LY6G5B: variants seen among roughly 807,000 people sequenced by gnomAD.
LY6G5B encodes lymphocyte antigen 6 family member G5B.
Under a neutral mutation model 6.7 loss-of-function variants are expected in LY6G5B, and 6 were observed. That is an observed-to-expected ratio of 0.89 (90% confidence interval 0.49 to 1.76). LY6G5B has a LOEUF of 1.76. Among genes scored for constraint, LY6G5B ranks in the 40% most tolerant of loss-of-function variants. LY6G5B has a pLI of 0.01. For synonymous variants in LY6G5B, 98 were observed against 99.4 expected (o/e 0.99, Z 0.09); for missense variants, 240 against 249.5 (o/e 0.96, Z 0.26).
exon 3 of LY6G5B, chr6:31,672,958 T>C (rs575238677): frequency 4.6e-5 from 7 of 152,612 alleles, no homozygotes; most frequent in African/African-American, 1.7e-4. Context: ...AGTACCAGAC[T>C]GAACTAGCAG....
At chr6:31,672,206 G>T (rs151192215) in exon 3 of LY6G5B, 16 of 1,613,096 alleles carry the variant, frequency 9.9e-6, no homozygotes, top group African/African-American at 1.3e-5. Context: ...GAGCTGCGCC[G>T]CATGTACTTG....
At chr6:31,673,266 C>CA (rs34815855) in exon 3 of LY6G5B, 2 of 151,284 alleles carry the variant, frequency 1.3e-5, no homozygotes, top group South Asian at 2.1e-4. Context: ...ACTCCGTCTC[C>CA]AAAAAAAAGG....
At chr6:31,672,068 C>A (rs11758242) in exon 3 of LY6G5B, 46,433 of 1,613,012 alleles carry the variant, frequency 0.029, 1,475 homozygotes, top group African/African-American at 0.12. Flanking sequence ...CTGTCTGACT[C>A]CCAGATTCAG....
exon 3 of LY6G5B, chr6:31,672,595 C>G: frequency 2.8e-6 from 1 of 361,308 alleles, no homozygotes; most frequent in Non-Finnish European, 5.0e-6. Context: ...CAGGCGTGCA[C>G]CACCACGCCT....
Position 31,672,192 on chromosome 6 carries a change from T to G in LY6G5B, c.516T>G (p.Phe172Leu), listed in dbSNP as rs778493373. The change falls in exon 3 of 3, where the codon TTT (phenylalanine) becomes TTG (leucine). Residue 172 changes from phenylalanine to leucine, a missense_variant. By Grantham distance (22) the Phe-to-Leu change is conservative. Coordinates refer to ENST00000375864, the Ensembl canonical transcript of LY6G5B. Reference sequence around the variant, plus strand: ...TGTCCCTGAACCTGGGCTTGTCTTTTGCTGAGCTGCGCCGCATGTACTTGT... The same window carrying G: ...TGTCCCTGAACCTGGGCTTGTCTTTGGCTGAGCTGCGCCGCATGTACTTGT... The G allele has an allele frequency of 3.1e-6, 5 of 1,613,022 alleles. No homozygotes were observed. The African/African-American group carries it at 6.7e-5, about 22-fold the overall frequency.
exon 1 of LY6G5B, chr6:31,670,895 A>C (rs1802157978): frequency 2.6e-6 from 4 of 1,533,652 alleles, no homozygotes; most frequent in Admixed American, 4.0e-5. Context: ...TGGTCACAGG[A>C]AGGTGGGGTT....
At chr6:31,670,972 G>C in exon 1 of LY6G5B, 12 of 1,611,798 alleles carry the variant, frequency 7.4e-6, no homozygotes, top group Non-Finnish European at 1.0e-5. Context: ...TATGCTTGTA[G>C]GTGTGCTGGT....
chr6:31,671,819 T>C (rs1802240188), intron 2 of LY6G5B, 45 bp from the exon 3 acceptor site: 4 of 1,564,380 alleles, frequency 2.6e-6, no homozygotes, highest in South Asian at 2.4e-5. Flanking sequence ...TCTTGGACTA[T>C]GGGAAGCTAT....
upstream of LY6G5B, chr6:31,670,123 C>A: frequency 1.7e-6 from 1 of 586,576 alleles, no homozygotes; most frequent in Non-Finnish European, 3.0e-6. Context: ...GTGTGTTGGA[C>A]TCCAGGGGCC....
At chr6:31,672,314 C>A (rs1292559476) in exon 3 of LY6G5B, 4 of 1,586,794 alleles carry the variant, frequency 2.5e-6, no homozygotes, top group Non-Finnish European at 3.4e-6. Context: ...TCTGTAACAC[C>A]CTCAGCATCC....
At position 31,672,017 on chromosome 6, in the gene LY6G5B, GCT is replaced by G; in HGVS notation, c.346_347del (p.Leu116AlafsTer5). The G allele has an allele frequency of 6.2e-7, 1 of 1,613,072 alleles. No homozygotes were observed. ...TCCTGGTCAAGCCCCCAACTCCAGAGCTCTCTGCCGGAGCCCCATGACAGGCC... is the reference window on the plus strand; with the variant it reads ...TCCTGGTCAAGCCCCCAACTCCAGAGCTCTGCCGGAGCCCCATGACAGGCC... On this transcript the variant is annotated frameshift_variant, in exon 3 of 3. Coordinates refer to ENST00000375864, the Ensembl canonical transcript of LY6G5B. LOFTEE classifies it low-confidence loss of function (END_TRUNC).
At chr6:31,670,861 C>T (rs1802156190) in exon 1 of LY6G5B, 2 of 1,409,132 alleles carry the variant, frequency 1.4e-6, no homozygotes, top group Non-Finnish European at 1.9e-6. Flanking sequence ...TCAAAACCAC[C>T]CTGCAGCTTA....
chr6:31,670,750 A>C lies in LY6G5B; in HGVS notation c.-201A>C. On this transcript the variant is annotated 5_prime_UTR_variant, in exon 1 of 3. It removes an upstream start codon present in the reference 5' UTR. Coordinates refer to ENST00000375864, the Ensembl canonical transcript of LY6G5B. ...GGAACCAGACGTTGTGGGTGAGGAC[A>C]TGCTGTCCCTCCTGCCAAGTAATAA... 1.7e-6 allele frequency: 1 copy of C among 581,186 alleles called. No individual in the cohort carries two copies. The allele number at this position is 581,186 out of a possible 1,614,324, so 36.0% of individuals were successfully genotyped here. A position where few individuals can be genotyped will look rare whatever the true frequency, so the allele number is the denominator to read the frequency against.
rs764810388 is a variant in LY6G5B at position 31,671,310 on chromosome 6, G to A, written c.187+26G>A. 34 of 1,612,374 alleles carry A rather than the reference G, an allele frequency of 2.1e-5. No homozygotes were observed. The South Asian group carries it at 3.6e-4, about 17-fold the overall frequency. On this transcript the variant is annotated intron_variant, in intron 2 of 2. Coordinates refer to ENST00000375864, the Ensembl canonical transcript of LY6G5B. ...GTAAATAAGGTCCCAGGAAGGGGCT[G>A]CTGGTGGGGCAGCCAATGGCTTGGT... is the stretch of plus-strand genomic sequence containing the variant.
upstream of LY6G5B, chr6:31,669,997 A>G (rs1802072544): frequency 2.1e-5 from 27 of 1,301,784 alleles, no homozygotes; most frequent in Non-Finnish European, 2.8e-5. The surrounding 1 kb of genome is among the most constrained non-coding windows in gnomAD (Gnocchi z 4.8). Flanking sequence ...GGAACCCTGT[A>G]TGGTTTTTAG....
At chr6:31,670,147 C>T, upstream of LY6G5B, 1 of 543,888 alleles carries the variant, frequency 1.8e-6, no homozygotes, top group South Asian at 2.6e-5. Context: ...ATGGCCCAGC[C>T]CACCCTCCCC....
exon 3 of LY6G5B, chr6:31,672,050 C>T (rs1324048488): frequency 6.2e-7 from 1 of 1,612,968 alleles, no homozygotes; most frequent in African/African-American, 1.3e-5. Context: ...AGGCCCCTGG[C>T]CCTGCCTCTG....
chr6:31,671,836 G>A (rs746056540), intron 2 of LY6G5B, 28 bp from the exon 3 acceptor site: 6 of 1,584,534 alleles, frequency 3.8e-6, no homozygotes, highest in Non-Finnish European at 5.2e-6. Flanking sequence ...CTATTGGAAG[G>A]GGTTATCAGC....
At chr6:31,670,969 G>A (rs1195297993) in exon 1 of LY6G5B, 1 of 1,611,510 alleles carries the variant, frequency 6.2e-7, no homozygotes, top group South Asian at 1.1e-5. Context: ...CCATATGCTT[G>A]TAGGTGTGCT....
Sources: allele counts gnomAD v4.1 joint callset, GRCh38; gene constraint gnomAD v4.1.1; non-coding constraint Gnocchi (gnomAD v3.1); transcripts MANE v1.5; gene names NCBI Gene and HGNC (gene_info 2026-07-23, HGNC 2026-07-21).